The following ANK3 variants were observed in gnomAD, a reference collection of about 807,000 sequenced individuals.
ANK3 encodes ankyrin-3.
Under a neutral mutation model 370.9 loss-of-function variants are expected in ANK3, and 57 were observed. The observed-to-expected ratio is 0.15, with a 90% confidence interval of 0.12 to 0.19. The LOEUF is 0.19. Among genes scored for constraint, ANK3 ranks in the 10% least tolerant of loss-of-function variants. The pLI, the probability that ANK3 is intolerant of heterozygous loss-of-function variation, is 1.00. For missense variants in ANK3, 4,439 were observed against 5,302.1 expected, an observed-to-expected ratio of 0.84 and a Z score of 5.06; for synonymous variants, 1,929 against 1,946.3, an observed-to-expected ratio of 0.99 and a Z score of 0.23.
Position 60,068,986 on chromosome 10 carries a change from AGTGGTG to A in ANK3, c.11889_11894del (p.Thr3964_Thr3965del). 1 of 1,613,228 alleles carries A rather than the reference AGTGGTG, an allele frequency of 6.2e-7. No individual in the cohort carries two copies. Among genetic ancestry groups the A allele is most frequent in the South Asian group, 1.1e-5 (1 of 91,004 alleles). On this transcript the variant is annotated inframe_deletion, in exon 37 of 44. Transcript: ENST00000280772. ...TGGTGGTAGTGGTGGTGGTGGTGGC[AGTGGTG>A]GTGGTGGTAGTGACACAGGTGGATC...
chr10:60,548,325 C>T (rs1295718924), intron 2 of ANK3, among the ~76,000 whole-genome samples: 1 of 150,896 alleles, frequency 6.6e-6, no homozygotes, highest in Non-Finnish European at 1.5e-5. Flanking sequence ...GATTCTCCCA[C>T]CTCAGCCTTC....
intron 1 of ANK3, among the ~76,000 whole-genome samples, chr10:60,341,762 TAC>T (rs1382707248): frequency 1.3e-5 from 2 of 152,190 alleles, no homozygotes; most frequent in Non-Finnish European, 2.9e-5. Flanking sequence ...TTATGCAAAA[TAC>T]ACAGTTTAGT....
chr10:60,576,707 G>A (rs1032403308), intron 2 of ANK3, among the ~76,000 whole-genome samples: 2 of 152,188 alleles, frequency 1.3e-5, no homozygotes, highest in African/African-American at 2.4e-5. Context: ...ATTCATCAAT[G>A]TTTAAAATAC....
intron 1 of ANK3, among the ~76,000 whole-genome samples, chr10:60,319,483 A>G (rs77997169): frequency 0.03 from 4,585 of 152,314 alleles, 238 homozygotes; most frequent in African/African-American, 0.11. Context: ...ACTGGATAGT[A>G]AGATAGAATT....
At chr10:60,224,512 G>C (rs576803038) in intron 8 of ANK3, among the ~76,000 whole-genome samples, 1 of 152,100 alleles carries the variant, frequency 6.6e-6, no homozygotes, top group Non-Finnish European at 1.5e-5. Context: ...ATCACACCTA[G>C]GACTATGAAA....
intron 23 of ANK3, among the ~76,000 whole-genome samples, chr10:60,161,981 T>A (rs2095511886): frequency 6.6e-6 from 1 of 152,200 alleles, no homozygotes; most frequent in Non-Finnish European, 1.5e-5. Flanking sequence ...GATTTGATCA[T>A]TACACATTGT....
intron 42 of ANK3, among the ~76,000 whole-genome samples, chr10:60,049,999 T>A (rs1012851519): frequency 1.2e-4 from 19 of 152,220 alleles, no homozygotes; most frequent in African/African-American, 4.3e-4. Context: ...TAGTATGTGA[T>A]ATGTTAAGCA....
intron 23 of ANK3, chr10:60,140,302 T>C (rs765611793): frequency 6.3e-7 from 1 of 1,581,676 alleles, no homozygotes; most frequent in Non-Finnish European, 8.7e-7. Context: ...GCACATTCAC[T>C]GCATCTCAAA....
chr10:60,324,750 C>T (rs930647707), intron 1 of ANK3, among the ~76,000 whole-genome samples: 4 of 152,118 alleles, frequency 2.6e-5, no homozygotes, highest in African/African-American at 9.7e-5. Context: ...TTCTCCATGC[C>T]ACTCAGCGAT....
At chr10:60,518,122 T>A (rs1443646905) in intron 2 of ANK3, among the ~76,000 whole-genome samples, 1 of 141,376 alleles carries the variant, frequency 7.1e-6, no homozygotes, top group African/African-American at 2.6e-5. Flanking sequence ...TTGGCATGGC[T>A]AAAACTTACT....
chr10:60,408,605 G>A (rs2132922529), intron 2 of ANK3, among the ~76,000 whole-genome samples: 1 of 152,190 alleles, frequency 6.6e-6, no homozygotes, highest in South Asian at 2.1e-4. Context: ...AGCAACATGA[G>A]AATGAACTAA....
chr10:60,178,698 T>A (rs1178020660), intron 18 of ANK3, among the ~76,000 whole-genome samples: 2 of 152,236 alleles, frequency 1.3e-5, no homozygotes, highest in Non-Finnish European at 2.9e-5. Context: ...AAGCTTTTTA[T>A]GCTTTTACAC....
In ANK3 at chr10:60,487,753, T is replaced by A. The variant is rs1275980795; in HGVS notation, c.96+127433A>T. ...TTTTGAGACAGAGTCTCGCTCTTGT[T>A]GCCCAGGTTGGAGTGCCATAGCGCG... On this transcript the variant is annotated intron_variant, in intron 2 of 43. Transcript: ENST00000373827. Among the ~76,000 whole-genome samples, 3 of 150,164 alleles carry A rather than the reference T, an allele frequency of 2.0e-5. No individual in the cohort carries two copies. The East Asian group carries it at 5.9e-4, about 29-fold the overall frequency.
chr10:60,547,902 C>T (rs954190580), intron 2 of ANK3, among the ~76,000 whole-genome samples: 2 of 152,008 alleles, frequency 1.3e-5, no homozygotes, highest in Non-Finnish European at 2.9e-5. Context: ...CATCATAGCC[C>T]TAAGTTTTAT....
chr10:60,146,095 C>T lies in ANK3; in HGVS notation c.2615-7008G>A, dbSNP rs1224951578. 4 of 1,512,254 alleles carry T rather than the reference C, an allele frequency of 2.6e-6. No homozygotes were observed. In the African/African-American group the frequency reaches 5.6e-5, roughly 21 times the overall value. The allele number at this position is 1,512,254 out of a possible 1,614,324, so 93.7% of individuals were successfully genotyped here. On this transcript the variant is annotated intron_variant, in intron 23 of 43. Transcript: ENST00000280772. ...AGGGACCACAGATCAGTCATATAAG[C>T]TCTATGTTCCATCCACCAGAAACAG... is the stretch of plus-strand genomic sequence containing the variant.
chr10:60,214,361 CTTTT>C (rs1357493363), intron 8 of ANK3, among the ~76,000 whole-genome samples: 2 of 152,032 alleles, frequency 1.3e-5, no homozygotes, highest in Non-Finnish European at 2.9e-5. Flanking sequence ...ACTTAATGAT[CTTTT>C]TTTGTCTTTA....
At chr10:60,226,479 CTATATATATACATATACT>C (rs1444274209) in intron 8 of ANK3, among the ~76,000 whole-genome samples, 16 of 79,180 alleles carry the variant, frequency 2.0e-4, no homozygotes, top group Admixed American at 2.7e-4. Context: ...AGTATATATA[CTATATATATACATATACT>C]ATAGTATATA....
chr10:60,166,617 C>T lies in ANK3; in HGVS notation c.2588G>A (p.Gly863Asp). 2 of 1,613,758 alleles carry T rather than the reference C, an allele frequency of 1.2e-6. No homozygotes were observed. The highest frequency in any genetic ancestry group is 1.7e-5 in the Admixed American group (1 of 60,000). Reference protein sequence around the residue: ...KANAPEMLSDGEYISDVEEGE... With the variant: ...KANAPEMLSDDEYISDVEEGE... ...TTCTTCAACATCTGAGATATATTCG[C>T]CATCACTGAGCATTTCAGGGGCATT... The change falls in exon 23 of 44, where the codon GGC becomes GAC. Residue 863 changes from glycine (G) to aspartate (D), a missense_variant. Gly to Asp is a moderately conservative substitution (Grantham distance 94, BLOSUM62 -1). Around this residue, in one of 13 missense-constraint regions of ANK3, gnomAD observed 702 missense variants for 941.5 expected, o/e 0.75. Transcript: ENST00000280772.
intron 1 of ANK3, among the ~76,000 whole-genome samples, chr10:60,304,737 G>T (rs1314581139): frequency 6.6e-6 from 1 of 152,058 alleles, no homozygotes; most frequent in Non-Finnish European, 1.5e-5. Context: ...GAAATTATTT[G>T]CCACTGTTTG....
Sources: gnomAD v4.1 joint callset for allele counts (sites outside exome capture counted in the v4.1 genomes callset) on GRCh38, gnomAD v4.1.1 for gene constraint, gnomAD v4.1.1 regional missense constraint, MANE v1.5 for transcripts, NCBI Gene and HGNC (gene_info 2026-07-23, HGNC 2026-07-21) for gene names.